Variants in CACNB2 observed in about 807,000 individuals in gnomAD.
The protein encoded by CACNB2 is voltage-dependent L-type calcium channel subunit beta-2.
In CACNB2, 42 loss-of-function variants were observed where a neutral mutation model predicts 73.3. The observed-to-expected ratio is 0.57, with a 90% CI of 0.45 to 0.74. The LOEUF (loss-of-function observed/expected upper bound fraction) is 0.74. Among genes scored for constraint, CACNB2 ranks in the 30% least tolerant of loss-of-function variants. The pLI is 0.00. For synonymous variants in CACNB2, 348 were observed against 310.3 expected (o/e 1.12, Z -1.28); for missense variants, 940 against 853.0 (o/e 1.10, Z -1.27).
intron 3 of CACNB2, among the ~76,000 whole-genome samples, chr10:18,460,098 A>G (rs2047488746): frequency 2.0e-5 from 3 of 152,228 alleles, no homozygotes; most frequent in Admixed American, 2.0e-4. Context: ...CCATACATAT[A>G]TACACACGTA....
intron 3 of CACNB2, among the ~76,000 whole-genome samples, chr10:18,433,491 A>T (rs928020083): frequency 6.6e-6 from 1 of 152,134 alleles, no homozygotes; most frequent in Non-Finnish European, 1.5e-5. Flanking sequence ...AAAATAGCTG[A>T]TGTTTCTGCA....
chr10:18,492,450 G>A (rs546912186), intron 3 of CACNB2, among the ~76,000 whole-genome samples: 25 of 151,878 alleles, frequency 1.6e-4, no homozygotes, highest in Non-Finnish European at 3.2e-4. Context: ...GCAAAACCCC[G>A]TCTCTACTAA....
intron 3 of CACNB2, among the ~76,000 whole-genome samples, chr10:18,463,978 C>G (rs1274557641): frequency 1.3e-5 from 2 of 152,070 alleles, no homozygotes; most frequent in African/African-American, 2.4e-5. Context: ...TCCCACAGCT[C>G]TAACACATTG....
intron 1 of CACNB2, among the ~76,000 whole-genome samples, chr10:18,148,089 G>GTT (rs139457135): frequency 2.2e-5 from 3 of 135,748 alleles, no homozygotes; most frequent in Admixed American, 1.5e-4. Flanking sequence ...TCACTCTACA[G>GTT]TTTTTTAAAA....
chr10:18,478,998 C>T (rs1033062198), intron 3 of CACNB2, among the ~76,000 whole-genome samples: 8 of 151,836 alleles, frequency 5.3e-5, no homozygotes, highest in South Asian at 2.1e-4. Flanking sequence ...TTCAAGGTTG[C>T]GGTGAGTTCT....
chr10:18,184,762 A>G (rs2034070807), intron 2 of CACNB2, among the ~76,000 whole-genome samples: 1 of 149,762 alleles, frequency 6.7e-6, no homozygotes, highest in East Asian at 2.0e-4. Flanking sequence ...GGTGCAGGAC[A>G]TGCAGGTTTG....
At chr10:18,152,598 G>A (rs959549414) in intron 2 of CACNB2, among the ~76,000 whole-genome samples, 15 of 150,000 alleles carry the variant, frequency 1.0e-4, no homozygotes, top group African/African-American at 2.5e-4. Flanking sequence ...GTTACCCATC[G>A]CCTTTTCCAT....
intron 2 of CACNB2, among the ~76,000 whole-genome samples, chr10:18,152,720 AAAAAAAAAAAAACAAAAAAC>A (rs1213977360): frequency 4.5e-5 from 6 of 132,558 alleles, no homozygotes; most frequent in African/African-American, 9.7e-5. Context: ...AAAAAAAAAA[AAAAAAAAAAAAACAAAAAAC>A]AAAACACTAG....
intron 2 of CACNB2, among the ~76,000 whole-genome samples, chr10:18,330,910 G>A (rs1462776992): frequency 2.0e-5 from 3 of 151,776 alleles, no homozygotes; most frequent in Non-Finnish European, 4.4e-5. Context: ...CTCATAATCT[G>A]CCCACCTCGG....
chr10:18,505,733 A>T (rs1215748188), intron 5 of CACNB2, among the ~76,000 whole-genome samples: 1 of 152,172 alleles, frequency 6.6e-6, no homozygotes, highest in Non-Finnish European at 1.5e-5. Flanking sequence ...CTGGTGAAAA[A>T]CACAAATGCT....
At chr10:18,314,526 G>A (rs1163639423) in intron 2 of CACNB2, among the ~76,000 whole-genome samples, 1 of 151,376 alleles carries the variant, frequency 6.6e-6, no homozygotes, top group Non-Finnish European at 1.5e-5. Flanking sequence ...TGCCTAGAAG[G>A]GGAAACATAT....
chr10:18,158,897 A>G (rs937083477), intron 2 of CACNB2, among the ~76,000 whole-genome samples: 1 of 152,188 alleles, frequency 6.6e-6, no homozygotes, highest in African/African-American at 2.4e-5. Context: ...TCAGGGAAAA[A>G]TATGTACATC....
At chr10:18,184,828 C>T (rs906083172) in intron 2 of CACNB2, among the ~76,000 whole-genome samples, 4 of 152,032 alleles carry the variant, frequency 2.6e-5, no homozygotes, top group Non-Finnish European at 5.9e-5. Context: ...CCCATCACCT[C>T]GGTATTAAGC....
At chr10:18,520,136 C>A (rs2051706883) in intron 9 of CACNB2, 1 of 191,350 alleles carries the variant, frequency 5.2e-6, no homozygotes, top group African/African-American at 2.4e-5. Flanking sequence ...CCAGTCTTTC[C>A]TCTAAATTCT....
rs546583127 is a variant in CACNB2, at chr10:18,427,465, G to A, written c.333+25422G>A. ...TTCCTTTCTTATCCTTTCCTCAAGC[G>A]ATTTGACACTGAAGCTTACTGCTGT... On this transcript the variant is annotated intron_variant, in intron 3 of 13. Coordinates refer to ENST00000324631, the MANE Select transcript of CACNB2 (RefSeq NM_201596.3). 2.6e-3 allele frequency among the ~76,000 whole-genome samples: 394 copies of A among 152,162 alleles called. 2 individuals are homozygous for A. The highest frequency in any genetic ancestry group is 6.8e-3 in the Middle Eastern group (2 of 294).
At chr10:18,321,672 C>G (rs888365254) in intron 2 of CACNB2, among the ~76,000 whole-genome samples, 1 of 152,138 alleles carries the variant, frequency 6.6e-6, no homozygotes, top group Admixed American at 6.5e-5. Flanking sequence ...ATACTGTGTA[C>G]TCACAAACTT....
chr10:18,187,681 C>A (rs755240490), intron 2 of CACNB2, among the ~76,000 whole-genome samples: 5 of 151,948 alleles, frequency 3.3e-5, no homozygotes, highest in Non-Finnish European at 5.9e-5. Flanking sequence ...TTGGGGAATG[C>A]TTTTTAATCT....
chr10:18,180,000 G>A (rs1286083828), intron 2 of CACNB2, among the ~76,000 whole-genome samples: 1 of 152,132 alleles, frequency 6.6e-6, no homozygotes, highest in African/African-American at 2.4e-5. Context: ...GCACTAGTTG[G>A]CATGACTACA....
At chr10:18,519,552 C>T (rs1038634437) in intron 9 of CACNB2, among the ~76,000 whole-genome samples, 2 of 152,196 alleles carry the variant, frequency 1.3e-5, no homozygotes, top group Admixed American at 6.5e-5. Context: ...TCCCCATCCC[C>T]TCTCTGCTAG....
Sources: allele counts gnomAD v4.1 joint callset (sites outside exome capture counted in the v4.1 genomes callset), GRCh38; gene constraint gnomAD v4.1.1; transcripts MANE v1.5; gene names NCBI Gene and HGNC (gene_info 2026-07-23, HGNC 2026-07-21).